The following REV3L variants were observed in gnomAD, a reference collection of about 807,000 sequenced individuals.
REV3L encodes the protein DNA polymerase zeta catalytic subunit.
REV3L carries 69 observed loss-of-function variants against 299.4 expected under a neutral mutation model. The ratio of observed to expected loss-of-function variants is 0.23; its 90% CI spans 0.19 to 0.28. The LOEUF is 0.28. REV3L is among the 10% of genes least tolerant of loss of function. REV3L has a pLI of 1.00. For synonymous variants in REV3L, 1,238 were observed against 1,271.4 expected, an observed-to-expected ratio of 0.97 and a Z score of 0.56; for missense variants, 3,128 against 3,693.8, an observed-to-expected ratio of 0.85 and a Z score of 3.97.
chr6:111,428,258 G>A (rs917015194), intron 1 of REV3L, among the ~76,000 whole-genome samples: 15 of 152,070 alleles, frequency 9.9e-5, no homozygotes, highest in African/African-American at 2.9e-4. Flanking sequence ...TGAGCTTTCT[G>A]ATCAAGAATT....
chr6:111,371,558 C>CT (rs1032722759), intron 13 of REV3L, among the ~76,000 whole-genome samples: 2,195 of 137,576 alleles, frequency 0.016, 13 homozygotes, highest in East Asian at 0.044. Context: ...GCCCAGCTAT[C>CT]TTTTTTTTTT....
chr6:111,304,049 TAAG>T (rs767955066), intron 31 of REV3L, among the ~76,000 whole-genome samples: 6 of 152,204 alleles, frequency 3.9e-5, no homozygotes, highest in Non-Finnish European at 7.4e-5. Flanking sequence ...TAGAAACACT[TAAG>T]AAGTATATTT....
Position 111,359,015 on chromosome 6 carries a change from C to A in REV3L, c.6880-1G>T. On this transcript the variant is annotated splice_acceptor_variant, in intron 16 of 31. Transcript: ENST00000368802. LOFTEE classifies it high-confidence loss of function. Reference sequence around the variant, plus strand: ...CACTGATTAGGGTAAGATTTTGTATCTATAAAAGCAAATAAATACTATGTT... The same window carrying A: ...CACTGATTAGGGTAAGATTTTGTATATATAAAAGCAAATAAATACTATGTT... 1 of 1,599,142 alleles carries A rather than the reference C, an allele frequency of 6.3e-7. No homozygotes were observed. The highest frequency in any genetic ancestry group is 8.5e-7 in the Non-Finnish European group (1 of 1,171,860).
chr6:111,475,332 A>G (rs1792809497), intron 1 of REV3L, among the ~76,000 whole-genome samples: 1 of 152,194 alleles, frequency 6.6e-6, no homozygotes, highest in Admixed American at 6.5e-5. Context: ...ATTCTTAGAT[A>G]TTTATTTGAC....
chr6:111,399,139 AACTAATT>A (rs1480848479), intron 4 of REV3L, among the ~76,000 whole-genome samples: 1 of 152,210 alleles, frequency 6.6e-6, no homozygotes, highest in African/African-American at 2.4e-5. Context: ...TACTGGAAAA[AACTAATT>A]ATGAAAATTA....
intron 18 of REV3L, among the ~76,000 whole-genome samples, chr6:111,352,017 T>A (rs1777620052): frequency 6.6e-6 from 1 of 151,924 alleles, no homozygotes; most frequent in Admixed American, 6.6e-5. Context: ...TCTTTCTTTT[T>A]TTTTTTTGAG....
intron 4 of REV3L, among the ~76,000 whole-genome samples, chr6:111,394,050 G>A (rs954328414): frequency 3.3e-5 from 5 of 152,136 alleles, no homozygotes; most frequent in African/African-American, 4.8e-5. Context: ...ACTTAAGGTT[G>A]ATTCCGCATC....
intron 1 of REV3L, among the ~76,000 whole-genome samples, chr6:111,446,643 G>A (rs1464001399): frequency 6.6e-6 from 1 of 152,126 alleles, no homozygotes; most frequent in East Asian, 1.9e-4. Context: ...AGAGGTTGCA[G>A]TGAGCCAAGA....
chr6:111,310,176 TAAAC>T, intron 29 of REV3L, 77 bp from the exon 30 acceptor site: 26 of 1,433,872 alleles, frequency 1.8e-5, no homozygotes, highest in East Asian at 2.4e-5. Flanking sequence ...AAGTCAGAAT[TAAAC>T]AATAATAAAA....
chr6:111,309,068 T>C (rs1772659715), intron 30 of REV3L: 1 of 152,250 alleles, frequency 6.6e-6, no homozygotes, highest in African/African-American at 2.4e-5. Context: ...CCCATGGCAG[T>C]GTCTAGGGGT....
In REV3L at chr6:111,303,699, G is replaced by T. The variant is rs1046799107; in HGVS notation, c.9253-3543C>A. 1.4e-3 allele frequency among the ~76,000 whole-genome samples: 15 copies of T among 10,644 alleles called. 4 individuals are homozygous for T. The highest frequency in any genetic ancestry group is 2.8e-3 in the Non-Finnish European group (13 of 4,572). 7.0% of individuals were successfully genotyped at this position (10,644 alleles called of 152,430 possible). ...TTTTTTTTTTTTTTTAACAGACTATGACTTTTTTTTTTTTTTTTTTTTTTT... is the reference window on the plus strand; with the variant it reads ...TTTTTTTTTTTTTTTAACAGACTATTACTTTTTTTTTTTTTTTTTTTTTTT... On this transcript the variant is annotated intron_variant, in intron 31 of 31. Transcript: ENST00000368802.
At chr6:111,468,005 T>C (rs1000396518) in intron 1 of REV3L, among the ~76,000 whole-genome samples, 2 of 152,186 alleles carry the variant, frequency 1.3e-5, no homozygotes, top group Non-Finnish European at 1.5e-5. Flanking sequence ...TTTCCATCTA[T>C]ACTATACAAT....
chr6:111,315,397 ATAAAG>A lies in REV3L; in HGVS notation c.8352-21_8352-17del, dbSNP rs769267980. On this transcript the variant is annotated splice_polypyrimidine_tract_variant and intron_variant, in intron 26 of 31. Transcript: ENST00000368802. ...CACAAACATACTAAGGGGATTAAAAATAAAGTAAGGTAATGAGGAAGTCATTATAA... is the reference window on the plus strand; with the variant it reads ...CACAAACATACTAAGGGGATTAAAAATAAGGTAATGAGGAAGTCATTATAA... The A allele has an allele frequency of 1.9e-6, 3 of 1,601,502 alleles. No homozygotes were observed. Among genetic ancestry groups the A allele is most frequent in the Non-Finnish European group, 2.6e-6 (3 of 1,169,858 alleles).
At chr6:111,400,016 G>A (rs959068662) in intron 4 of REV3L, among the ~76,000 whole-genome samples, 1 of 152,144 alleles carries the variant, frequency 6.6e-6, no homozygotes, top group African/African-American at 2.4e-5. Flanking sequence ...AAGTCACACA[G>A]TTTGTATCCT....
At chr6:111,333,101 G>GT (rs1460983331) in intron 23 of REV3L, 22 bp downstream of exon 23, 1 of 1,610,636 alleles carries the variant, frequency 6.2e-7, no homozygotes, top group African/African-American at 1.3e-5. Flanking sequence ...CAATATTATT[G>GT]TAAATGTGAA....
At chr6:111,338,668 T>C (rs1359121242) in intron 21 of REV3L, among the ~76,000 whole-genome samples, 5 of 152,078 alleles carry the variant, frequency 3.3e-5, no homozygotes, top group Non-Finnish European at 5.9e-5. Flanking sequence ...ATACTTTATA[T>C]ACAAAACTGA....
At chr6:111,483,300 C>A (rs1401483564), upstream of REV3L, 6 of 425,338 alleles carry the variant, frequency 1.4e-5, no homozygotes, top group Non-Finnish European at 2.5e-5. Context: ...GGGGGCTCGG[C>A]GGGAAAAGGA....
intron 2 of REV3L, chr6:111,411,991 T>G: frequency 2.0e-6 from 2 of 985,174 alleles, no homozygotes; most frequent in Non-Finnish European, 1.2e-6. Context: ...CTGGCTCCCA[T>G]TTTTTTGTTA....
At chr6:111,389,931 G>A (rs1781739757) in intron 6 of REV3L, among the ~76,000 whole-genome samples, 155 bp downstream of exon 6, 1 of 151,598 alleles carries the variant, frequency 6.6e-6, no homozygotes, top group South Asian at 2.1e-4. Flanking sequence ...TAGAGACGGG[G>A]TTTCACCATG....
Sources: gnomAD v4.1 joint callset for allele counts (sites outside exome capture counted in the v4.1 genomes callset) on GRCh38, gnomAD v4.1.1 for gene constraint, MANE v1.5 for transcripts, NCBI Gene and HGNC (gene_info 2026-07-23, HGNC 2026-07-21) for gene names.